Variants in MAX observed in about 807,000 individuals in gnomAD.
MAX encodes the protein protein max.
Under a neutral mutation model 22.3 loss-of-function variants are expected in MAX, and 3 were observed. That is an observed-to-expected ratio of 0.13 (90% CI 0.06 to 0.35). MAX has a LOEUF of 0.35. MAX is among the 10% of genes least tolerant of loss of function. The pLI, the probability that MAX is intolerant of heterozygous loss-of-function variation, is 1.00. For synonymous variants in MAX, 72 were observed against 77.7 expected, an observed-to-expected ratio of 0.93 and a Z score of 0.39; for missense variants, 119 against 209.4, an observed-to-expected ratio of 0.57 and a Z score of 2.66.
At chr14:65,101,621 A>G in intron 1 of MAX, 49 bp from the exon 2 acceptor site, 1 of 1,356,132 alleles carries the variant, frequency 7.4e-7, no homozygotes, top group South Asian at 1.3e-5. Context: ...AGTTATTTTT[A>G]CACTTAACAT....
chr14:65,078,118 C>T lies in MAX; in HGVS notation c.172-82G>A, dbSNP rs1007025796. 5.8e-6 allele frequency: 9 copies of T among 1,539,036 alleles called. No individual in the cohort carries two copies. In the South Asian group the frequency reaches 7.9e-5, roughly 13 times the overall value. On this transcript the variant is annotated intron_variant, in intron 3 of 4. Coordinates refer to ENST00000358664, the MANE Select transcript of MAX (RefSeq NM_002382.5). This position sits in a 1 kb window ranked among gnomAD's most constrained non-coding sequence, Gnocchi z 6.4. Reference sequence around the variant, plus strand: ...GAGGGAACCTGGCCTGCAGCAACTGCTTGGGTGGCTGGAAACGAGAGGGTA... The same window carrying T: ...GAGGGAACCTGGCCTGCAGCAACTGTTTGGGTGGCTGGAAACGAGAGGGTA...
chr14:65,047,647 A>G lies in MAX; in HGVS notation c.172-41363T>C, dbSNP rs1228002257. ...ATAAGGGCACTTACCCTTTGAACAC[A>G]GCAAGTGCACTGTCAGGAATTTACC... is the stretch of plus-strand genomic sequence containing the variant. On this transcript the variant is annotated intron_variant, in intron 3 of 3. Coordinates refer to the MAX transcript ENST00000341653. This position sits in a 1 kb window ranked among gnomAD's most constrained non-coding sequence, Gnocchi z 5.2. Among the ~76,000 whole-genome samples, 1 of 152,246 alleles carries G rather than the reference A, an allele frequency of 6.6e-6. No homozygotes were observed. The highest frequency in any genetic ancestry group is 1.5e-5 in the Non-Finnish European group (1 of 68,044).
chr14:65,063,344 A>G (rs573458862), intron 3 of MAX, among the ~76,000 whole-genome samples: 2 of 152,346 alleles, frequency 1.3e-5, no homozygotes, highest in African/African-American at 4.8e-5. Flanking sequence ...TGTGAGATTA[A>G]TTGCAGTAAT....
At chr14:65,086,285 C>A (rs554711690) in intron 3 of MAX, among the ~76,000 whole-genome samples, 2 of 152,142 alleles carry the variant, frequency 1.3e-5, no homozygotes, top group Non-Finnish European at 2.9e-5. Context: ...TAGAGTAGGG[C>A]ACTGCTGAAA....
chr14:65,077,327 C>T lies in MAX; in HGVS notation c.295+586G>A. On this transcript the variant is annotated intron_variant, in intron 4 of 4. Coordinates refer to ENST00000358664, the MANE Select transcript of MAX (RefSeq NM_002382.5). The surrounding 1 kb of genome is among the most constrained non-coding windows in gnomAD (Gnocchi z 6.3). ...TTTTATTTTATTTGAGGTTTTCTAA[C>T]CCAGGTGGTTACTTGCATTTCCTTT... is the stretch of plus-strand genomic sequence containing the variant. 6.4e-7 allele frequency: 1 copy of T among 1,572,474 alleles called. No homozygotes were observed. Among genetic ancestry groups the T allele is most frequent in the Non-Finnish European group, 8.8e-7 (1 of 1,142,510 alleles).
intron 3 of MAX, among the ~76,000 whole-genome samples, chr14:65,021,421 A>G (rs1034314199): frequency 6.6e-6 from 1 of 152,132 alleles, no homozygotes; most frequent in South Asian, 2.1e-4. Context: ...AGCCCCTTAA[A>G]TATTTTTCCT....
rs953015320 is a variant in MAX, at chr14:65,014,161, A to G, written c.172-7877T>C. Among the ~76,000 whole-genome samples, 1 of 152,188 alleles carries G rather than the reference A, an allele frequency of 6.6e-6. No homozygotes were observed. The highest frequency in any genetic ancestry group is 2.4e-5 in the African/African-American group (1 of 41,430). ...TCTTGTCTCACCTCTGACATTTGCT[A>G]TTTTTATAATCTGAAAAAGGTTAAT... On this transcript the variant is annotated intron_variant, in intron 3 of 3. Coordinates refer to the MAX transcript ENST00000341653. The surrounding 1 kb of genome is among the most constrained non-coding windows in gnomAD (Gnocchi z 5.1).
At chr14:65,033,712 C>T (rs1304775086) in intron 3 of MAX, among the ~76,000 whole-genome samples, 1 of 152,140 alleles carries the variant, frequency 6.6e-6, no homozygotes. Context: ...AAAAAATTAG[C>T]TGGGCATGGT....
intron 3 of MAX, among the ~76,000 whole-genome samples, chr14:65,066,909 C>G (rs1032834348): frequency 2.0e-5 from 3 of 149,436 alleles, no homozygotes; most frequent in African/African-American, 5.0e-5. Context: ...GGTGTGATGG[C>G]TCATGACTGT....
chr14:65,008,833 A>G (rs2061638209), intron 3 of MAX, among the ~76,000 whole-genome samples: 1 of 152,162 alleles, frequency 6.6e-6, no homozygotes, highest in African/African-American at 2.4e-5. Context: ...TATTTAAATC[A>G]TTACCCAGTA....
At chr14:65,035,901 G>A (rs1280957533) in intron 3 of MAX, among the ~76,000 whole-genome samples, 4 of 147,794 alleles carry the variant, frequency 2.7e-5, no homozygotes, top group East Asian at 2.0e-4. Context: ...ATATGATCAC[G>A]GCTCACTGCA....
At position 65,093,677 on chromosome 14, in the gene MAX, G is replaced by C. The variant is rs753855683; in HGVS notation, c.171+31C>G. ...TGCAACAAGTTCCAAGCTAGTAGTG[G>C]CCAGCTACTCAGCTTTCTCAGGAAA... On this transcript the variant is annotated intron_variant, in intron 3 of 4. Coordinates refer to ENST00000358664, the MANE Select transcript of MAX (RefSeq NM_002382.5). The surrounding 1 kb of genome is among the most constrained non-coding windows in gnomAD (Gnocchi z 4.4). 2 of 1,174,076 alleles carry C rather than the reference G, an allele frequency of 1.7e-6. No individual in the cohort carries two copies. The highest frequency in any genetic ancestry group is 2.4e-5 in the South Asian group (2 of 82,254). The allele number at this position is 1,174,076 out of a possible 1,614,324, so 72.7% of individuals were successfully genotyped here.
In MAX at chr14:65,079,319, G is replaced by T. The variant is rs138872254; in HGVS notation, c.172-1283C>A. 7.0e-4 allele frequency among the ~76,000 whole-genome samples: 107 copies of T among 152,300 alleles called. 1 individual carries two copies. Among genetic ancestry groups the T allele is most frequent in the African/African-American group, 2.5e-3 (105 of 41,550 alleles). ...CAACACAGGAAGAGCATGAGATTGG[G>T]CCATTTCAGGAAACAACCACACCTC... is the stretch of plus-strand genomic sequence containing the variant. On this transcript the variant is annotated intron_variant, in intron 3 of 4. Transcript: ENST00000358664. This position sits in a 1 kb window ranked among gnomAD's most constrained non-coding sequence, Gnocchi z 4.5.
At chr14:65,058,323 T>C (rs2062788415) in intron 3 of MAX, among the ~76,000 whole-genome samples, 1 of 152,060 alleles carries the variant, frequency 6.6e-6, no homozygotes, top group Non-Finnish European at 1.5e-5. Flanking sequence ...CTGGAATCTT[T>C]TCTTATTTTC....
At chr14:65,065,889 C>A (rs1172195312) in intron 3 of MAX, among the ~76,000 whole-genome samples, 1 of 152,198 alleles carries the variant, frequency 6.6e-6, no homozygotes, top group Non-Finnish European at 1.5e-5. Flanking sequence ...TATTACCTGC[C>A]TTTTACAACT....
At chr14:65,061,646 G>T in intron 3 of MAX, 1 of 231,146 alleles carries the variant, frequency 4.3e-6, no homozygotes, top group South Asian at 7.1e-5. Context: ...TGAGTATTAC[G>T]GCATCCAGAG....
At chr14:65,019,078 C>T (rs948530653) in intron 3 of MAX, among the ~76,000 whole-genome samples, 1 of 152,206 alleles carries the variant, frequency 6.6e-6, no homozygotes, top group Non-Finnish European at 1.5e-5. Flanking sequence ...GAGGCTGAGG[C>T]AGGAGACTCG....
intron 2 of MAX, among the ~76,000 whole-genome samples, chr14:65,096,431 G>A (rs1276214793): frequency 6.6e-6 from 1 of 152,152 alleles, no homozygotes; most frequent in African/African-American, 2.4e-5. Flanking sequence ...TGTTTTGAAA[G>A]AGCACATGAA....
rs1334681668 is a variant in MAX, at chr14:65,054,951, C to G, written c.171+38757G>C. Among the ~76,000 whole-genome samples, 1 of 152,192 alleles carries G rather than the reference C, an allele frequency of 6.6e-6. No homozygotes were observed. Among genetic ancestry groups the G allele is most frequent in the Non-Finnish European group, 1.5e-5 (1 of 68,040 alleles). On this transcript the variant is annotated intron_variant, in intron 3 of 3. Coordinates refer to the MAX transcript ENST00000341653. The surrounding 1 kb of genome is among the most constrained non-coding windows in gnomAD (Gnocchi z 4.4). ...TTATCCCAGGGCTGAGGACCTAGCC[C>G]ACTGCTGGTATTAGCTTCCCCTAGA...
Sources: allele counts gnomAD v4.1 joint callset (sites outside exome capture counted in the v4.1 genomes callset), GRCh38; gene constraint gnomAD v4.1.1; non-coding constraint Gnocchi (gnomAD v3.1); transcripts MANE v1.5; gene names NCBI Gene and HGNC (gene_info 2026-07-23, HGNC 2026-07-21).